Variants in GALNTL6 observed in about 807,000 individuals in gnomAD.
GALNTL6 encodes polypeptide N-acetylgalactosaminyltransferase like 6, also known as polypeptide N-acetylgalactosaminyltransferase-like 6.
GALNTL6 carries 46 observed loss-of-function variants against 73.7 expected under a neutral mutation model. The observed-to-expected ratio is 0.62, with a 90% CI of 0.49 to 0.80. The LOEUF (loss-of-function observed/expected upper bound fraction) is 0.80. GALNTL6 is among the 30% of genes least tolerant of loss of function. The pLI is 0.00. For synonymous variants in GALNTL6, 259 were observed against 263.7 expected (o/e 0.98, Z 0.17); for missense variants, 604 against 755.0 (o/e 0.80, Z 2.34).
At chr4:172,448,765 C>A (rs949790108) in intron 5 of GALNTL6, among the ~76,000 whole-genome samples, 3 of 152,052 alleles carry the variant, frequency 2.0e-5, no homozygotes, top group African/African-American at 7.2e-5. Context: ...AGTTCATAAC[C>A]ATGAAATTAT....
intron 5 of GALNTL6, among the ~76,000 whole-genome samples, chr4:172,530,491 TGCTAC>T (rs1219706309): frequency 1.3e-5 from 2 of 152,184 alleles, no homozygotes; most frequent in African/African-American, 4.8e-5. Context: ...ATGTTTTACA[TGCTAC>T]TCTACCTCTT....
chr4:172,715,639 T>C (rs1735030912), intron 5 of GALNTL6, among the ~76,000 whole-genome samples: 1 of 152,228 alleles, frequency 6.6e-6, no homozygotes, highest in Non-Finnish European at 1.5e-5. Context: ...TACATTTCAG[T>C]GCATAATTAA....
intron 2 of GALNTL6, among the ~76,000 whole-genome samples, chr4:172,093,480 T>C (rs1250878156): frequency 1.6e-4 from 25 of 152,260 alleles, no homozygotes. Context: ...CATACAGTAG[T>C]TTTAATTATA....
At chr4:172,772,134 A>G (rs1341290768) in intron 5 of GALNTL6, among the ~76,000 whole-genome samples, 1 of 152,168 alleles carries the variant, frequency 6.6e-6, no homozygotes, top group East Asian at 1.9e-4. Context: ...CTTATTCACT[A>G]TCATGAGAAG....
At chr4:171,936,340 G>T (rs182298285) in intron 2 of GALNTL6, among the ~76,000 whole-genome samples, 1 of 152,252 alleles carries the variant, frequency 6.6e-6, no homozygotes, top group East Asian at 1.9e-4. Flanking sequence ...TTAATTGGAG[G>T]TGTCCTAGAA....
intron 2 of GALNTL6, among the ~76,000 whole-genome samples, chr4:171,925,463 G>A (rs756168753): frequency 2.6e-5 from 4 of 152,180 alleles, no homozygotes; most frequent in Non-Finnish European, 4.4e-5. Context: ...GAACAAATCA[G>A]AGTGGTGATT....
At chr4:171,956,349 T>C (rs1014518815) in intron 2 of GALNTL6, among the ~76,000 whole-genome samples, 2 of 152,144 alleles carry the variant, frequency 1.3e-5, no homozygotes, top group African/African-American at 4.8e-5. Flanking sequence ...TATAGTATAC[T>C]CCCTAGACAT....
chr4:171,902,807 T>G (rs906533628), intron 2 of GALNTL6, among the ~76,000 whole-genome samples: 2 of 152,168 alleles, frequency 1.3e-5, no homozygotes, highest in Admixed American at 6.5e-5. Flanking sequence ...TTGGTTTATC[T>G]TGGAGGGACA....
At chr4:172,528,758 A>G (rs1425602770) in intron 5 of GALNTL6, among the ~76,000 whole-genome samples, 1 of 150,488 alleles carries the variant, frequency 6.6e-6, no homozygotes, top group Admixed American at 6.7e-5. Context: ...CCTTAATCAA[A>G]CAATATTTTG....
At chr4:172,762,552 T>A (rs1019938605) in intron 5 of GALNTL6, among the ~76,000 whole-genome samples, 3 of 152,170 alleles carry the variant, frequency 2.0e-5, no homozygotes, top group African/African-American at 4.8e-5. Flanking sequence ...CCATGTCTCT[T>A]TCCCCAAACC....
chr4:172,309,938 CA>C (rs1236337438), intron 3 of GALNTL6, among the ~76,000 whole-genome samples: 1 of 151,766 alleles, frequency 6.6e-6, no homozygotes, highest in African/African-American at 2.4e-5. Context: ...CACTGAGGTC[CA>C]AAAGCAGAAC....
chr4:171,965,282 C>A (rs955118846), intron 2 of GALNTL6, among the ~76,000 whole-genome samples: 8 of 152,074 alleles, frequency 5.3e-5, no homozygotes, highest in African/African-American at 1.4e-4. Context: ...CAGAAAGTAT[C>A]CTCTAACAAC....
At chr4:171,977,352 T>G (rs1443458081) in intron 2 of GALNTL6, among the ~76,000 whole-genome samples, 1 of 152,206 alleles carries the variant, frequency 6.6e-6, no homozygotes, top group Non-Finnish European at 1.5e-5. Flanking sequence ...TTTCTAGGAC[T>G]GCCATAATAA....
chr4:172,728,025 G>T (rs1735927544), intron 5 of GALNTL6, among the ~76,000 whole-genome samples: 1 of 151,990 alleles, frequency 6.6e-6, no homozygotes, highest in African/African-American at 2.4e-5. Flanking sequence ...CGATTCTCCT[G>T]CCTCAGCCTC....
intron 2 of GALNTL6, among the ~76,000 whole-genome samples, chr4:172,211,421 C>G (rs575351088): frequency 9.8e-5 from 15 of 152,292 alleles, no homozygotes; most frequent in African/African-American, 3.6e-4. Flanking sequence ...ACTTAGGTCT[C>G]TAACTCTAGT....
intron 2 of GALNTL6, among the ~76,000 whole-genome samples, chr4:172,050,161 T>A (rs1399364018): frequency 6.6e-6 from 1 of 152,114 alleles, no homozygotes; most frequent in Non-Finnish European, 1.5e-5. Flanking sequence ...GAGCCTATGA[T>A]GTTATCAAAC....
chr4:172,791,980 G>A lies in GALNTL6; in HGVS notation c.554-17381G>A, dbSNP rs187494000. ...TAACAAGCTCCTAAGCCCTCCATGC[G>A]ATTATTAGTCTAAGGATCTCACTGC... On this transcript the variant is annotated intron_variant, in intron 5 of 12. Transcript: ENST00000506823. 3.3e-5 allele frequency among the ~76,000 whole-genome samples: 5 copies of A among 152,238 alleles called. No homozygotes were observed. The South Asian group carries it at 6.2e-4, about 19-fold the overall frequency.
intron 5 of GALNTL6, among the ~76,000 whole-genome samples, chr4:172,798,377 T>C (rs1185217524): frequency 6.6e-6 from 1 of 152,196 alleles, no homozygotes; most frequent in African/African-American, 2.4e-5. Flanking sequence ...GCCTTGGTGC[T>C]GTTCTCATGA....
intron 5 of GALNTL6, among the ~76,000 whole-genome samples, chr4:172,534,967 G>A (rs893115664): frequency 7.9e-5 from 12 of 152,200 alleles, no homozygotes; most frequent in African/African-American, 2.9e-4. Context: ...TGAAAAAAGT[G>A]AAGTGATTTG....
Sources: allele counts gnomAD v4.1 joint callset (sites outside exome capture counted in the v4.1 genomes callset), GRCh38; gene constraint gnomAD v4.1.1; transcripts MANE v1.5; gene names NCBI Gene and HGNC (gene_info 2026-07-23, HGNC 2026-07-21).